BEGAIN: variants seen among roughly 807,000 people sequenced by gnomAD.
BEGAIN encodes the protein brain-enriched guanylate kinase-associated protein.
Under a neutral mutation model 35.8 loss-of-function variants are expected in BEGAIN, and 19 were observed. The ratio of observed to expected loss-of-function variants is 0.53; its 90% confidence interval spans 0.37 to 0.78. BEGAIN has a LOEUF of 0.78. Ranked by LOEUF, BEGAIN falls within the 30% of genes least tolerant of loss-of-function variation. The pLI, the probability that BEGAIN is intolerant of heterozygous loss-of-function variation, is 0.00. For missense variants in BEGAIN, 795 were observed against 853.6 expected, an observed-to-expected ratio of 0.93 and a Z score of 0.85; for synonymous variants, 462 against 388.6, an observed-to-expected ratio of 1.19 and a Z score of -2.22.
intron 5 of BEGAIN, among the ~76,000 whole-genome samples, chr14:100,543,580 C>A (rs1233446465): frequency 6.6e-6 from 1 of 152,210 alleles, no homozygotes; most frequent in Non-Finnish European, 1.5e-5. Context: ...GGCCCCGCAT[C>A]CCCTAGCTCA....
At chr14:100,570,485 G>A (rs2035044284) in intron 1 of BEGAIN, among the ~76,000 whole-genome samples, 6 of 152,140 alleles carry the variant, frequency 3.9e-5, no homozygotes, top group Admixed American at 3.3e-4. Flanking sequence ...CTTGGAGGCT[G>A]TATCCTCCAT....
intron 2 of BEGAIN, 97 bp from the exon 3 acceptor site, chr14:100,546,759 T>C (rs2032526834): frequency 2.6e-6 from 3 of 1,175,248 alleles, no homozygotes; most frequent in Non-Finnish European, 3.3e-6. Context: ...AACACGCGAG[T>C]ACCGGCGCGC....
chr14:100,560,001 T>G (rs2034097393), intron 2 of BEGAIN, among the ~76,000 whole-genome samples: 1 of 152,108 alleles, frequency 6.6e-6, no homozygotes, highest in Non-Finnish European at 1.5e-5. Context: ...CCTTTAGTGG[T>G]GTCTAGGATC....
chr14:100,561,503 C>A (rs1460936846), intron 2 of BEGAIN, among the ~76,000 whole-genome samples: 1 of 152,160 alleles, frequency 6.6e-6, no homozygotes, highest in Non-Finnish European at 1.5e-5. Flanking sequence ...AATCCCAGCA[C>A]TTTGGGAGGC....
chr14:100,561,290 A>T (rs1467680151), intron 2 of BEGAIN, among the ~76,000 whole-genome samples: 2 of 152,218 alleles, frequency 1.3e-5, no homozygotes, highest in African/African-American at 4.8e-5. Flanking sequence ...GCAAGGCCCA[A>T]GCAGGGCAGA....
In BEGAIN at chr14:100,578,091, C is replaced by T. The variant is rs558853038; in HGVS notation, c.42+9158G>A. ...AGGCCAGGGCTGCCTGCCAGATGCC[C>T]GCCTGCCCATTGATCCAGTGGCAGG... On this transcript the variant is annotated intron_variant, in intron 1 of 6. Coordinates refer to ENST00000554140, the MANE Select transcript of BEGAIN (RefSeq NM_001385089.1). 15 of 397,802 alleles carry T rather than the reference C, an allele frequency of 3.8e-5. No individual in the cohort carries two copies. The South Asian group carries it at 7.1e-4, about 19-fold the overall frequency. 24.6% of individuals were successfully genotyped at this position (397,802 alleles called of 1,614,324 possible). A position where few individuals can be genotyped will look rare whatever the true frequency, so the allele number is the denominator to read the frequency against.
Position 100,538,053 on chromosome 14 carries a change from C to G in BEGAIN, c.1755G>C (p.Gln585His), listed in dbSNP as rs769447009. The change falls in exon 7 of 7, where the codon CAG becomes CAC. Residue 585 changes from glutamine to histidine, a missense_variant. Transcript: ENST00000554140. Reference protein sequence around the residue: ...MHPAARLSPQQAFPRTGGSGL... With the variant: ...MHPAARLSPQHAFPRTGGSGL... ...CCGAGCCACCAGTCCGCGGAAAGGCCTGCTGGGGGCTGAGGCGGGCGGCAG... is the reference window on the plus strand; with the variant it reads ...CCGAGCCACCAGTCCGCGGAAAGGCGTGCTGGGGGCTGAGGCGGGCGGCAG... The G allele has an allele frequency of 6.2e-7, 1 of 1,604,700 alleles. No homozygotes were observed. Among genetic ancestry groups the G allele is most frequent in the South Asian group, 1.1e-5 (1 of 89,934 alleles).
intron 2 of BEGAIN, among the ~76,000 whole-genome samples, chr14:100,556,155 C>T (rs2033701544): frequency 6.6e-6 from 1 of 152,134 alleles, no homozygotes; most frequent in Non-Finnish European, 1.5e-5. Flanking sequence ...TCAAGGCCTC[C>T]CGTCTTGCTC....
chr14:100,546,647 C>T lies in BEGAIN; in HGVS notation c.87G>A (p.Gln29=). The T allele has an allele frequency of 6.4e-7, 1 of 1,572,180 alleles. No individual in the cohort carries two copies. The highest frequency in any genetic ancestry group is 8.6e-7 in the Non-Finnish European group (1 of 1,164,494). ...DMEKLSALQE[Q]KGELRKRLSY... ...ACAGCCGCTTGCGCAGCTCGCCCTT[C>T]TGCTCCTGCAGCGCGCTGCAACGAC... is the stretch of plus-strand genomic sequence containing the variant. The change falls in exon 3 of 7, where the codon CAG becomes CAA. Residue 29 remains glutamine, a synonymous_variant. Transcript: ENST00000554140.
Position 100,538,767 on chromosome 14 carries a change from G to T in BEGAIN, c.1041C>A (p.Asn347Lys). ...TGCGGTCGAAGAGCTCGTCGCGGCT[G>T]TTCAGGTAGATGGCCTGCTGCGACG... ...LTASQQAIYL[N>K]SRDELFDRKP... The change falls in exon 7 of 7, where the codon AAC becomes AAA. Residue 347 changes from asparagine (N) to lysine (K), a missense_variant. Asn to Lys is a moderately conservative substitution (Grantham distance 94). This residue lies in a region of BEGAIN where 664 missense variants were observed against 647.7 expected (regional missense o/e 1.03). Coordinates refer to ENST00000554140, the MANE Select transcript of BEGAIN (RefSeq NM_001385089.1). 1 of 1,587,602 alleles carries T rather than the reference G, an allele frequency of 6.3e-7. No homozygotes were observed. Among genetic ancestry groups the T allele is most frequent in the Non-Finnish European group, 8.6e-7 (1 of 1,168,466 alleles).
At chr14:100,557,183 C>A (rs2033825328) in intron 2 of BEGAIN, among the ~76,000 whole-genome samples, 1 of 151,800 alleles carries the variant, frequency 6.6e-6, no homozygotes, top group Admixed American at 6.5e-5. Flanking sequence ...GGCCCCCAAT[C>A]CCAGCGCGGG....
Position 100,567,817 on chromosome 14 carries a change from G to T in BEGAIN, c.71+94C>A. The T allele has an allele frequency of 7.6e-7, 1 of 1,307,696 alleles. No homozygotes were observed. Among genetic ancestry groups the T allele is most frequent in the African/African-American group, 1.6e-5 (1 of 63,148 alleles). The allele number at this position is 1,307,696 out of a possible 1,614,324, so 81.0% of individuals were successfully genotyped here. The stretch of plus-strand genomic sequence containing the variant: ...AGGCCGCCCGCGGGCCCTGGGGGAT[G>T]CGCTCGGGTGGAGCCCCCTTCCCCC... On this transcript the variant is annotated intron_variant, in intron 2 of 6. Transcript: ENST00000554140. This position sits in a 1 kb window ranked among gnomAD's most constrained non-coding sequence, Gnocchi z 5.1.
intron 2 of BEGAIN, among the ~76,000 whole-genome samples, chr14:100,557,824 C>T (rs2033892477): frequency 6.6e-6 from 1 of 152,160 alleles, no homozygotes; most frequent in African/African-American, 2.4e-5. Context: ...ACACCTCCTC[C>T]CCATCCCCAC....
chr14:100,570,801 G>A (rs1209390916), intron 1 of BEGAIN, among the ~76,000 whole-genome samples: 3 of 152,138 alleles, frequency 2.0e-5, no homozygotes, highest in African/African-American at 7.2e-5. Context: ...GCCATTCATT[G>A]ACCACAAGAC....
intron 1 of BEGAIN, among the ~76,000 whole-genome samples, chr14:100,574,036 C>T (rs867559222): frequency 2.6e-5 from 4 of 152,118 alleles, no homozygotes; most frequent in South Asian, 2.1e-4. Flanking sequence ...CGGTGTCATG[C>T]GCTGACCCAC....
In BEGAIN at chr14:100,568,843, C is replaced by G. The variant is rs1332485149; in HGVS notation, c.43-904G>C. 3 of 985,906 alleles carry G rather than the reference C, an allele frequency of 3.0e-6. No individual in the cohort carries two copies. The highest frequency in any genetic ancestry group is 1.7e-5 in the African/African-American group (1 of 57,164). The allele number at this position is 985,906 out of a possible 1,614,324, so 61.1% of individuals were successfully genotyped here. ...CCGGGGCTTTGCCCGTCTTTCTGTGCCGTGACTGGCACTCAAGGGGGACAG... is the reference window on the plus strand; with the variant it reads ...CCGGGGCTTTGCCCGTCTTTCTGTGGCGTGACTGGCACTCAAGGGGGACAG... On this transcript the variant is annotated intron_variant, in intron 1 of 6. Coordinates refer to ENST00000554140, the MANE Select transcript of BEGAIN (RefSeq NM_001385089.1). The surrounding 1 kb of genome is among the most constrained non-coding windows in gnomAD (Gnocchi z 7.5).
Position 100,538,555 on chromosome 14 carries a change from C to T in BEGAIN, c.1253G>A (p.Ser418Asn). The change falls in exon 7 of 7, where the codon AGC becomes AAC. Residue 418 changes from serine (S) to asparagine (N), a missense_variant. Around this residue, in one of 3 missense-constraint regions of BEGAIN, gnomAD observed 664 missense variants for 647.7 expected, o/e 1.03. Transcript: ENST00000554140. ...GGCGGTCCCCGGCTTGGCCCGCAGG[C>T]TCCACAGGTTTGGGGGCATCAGGGC... ...QQALMPPNLW[S>N]LRAKPGTARL... is the part of the protein sequence containing the mutation. 2 of 1,528,396 alleles carry T rather than the reference C, an allele frequency of 1.3e-6. No homozygotes were observed. The highest frequency in any genetic ancestry group is 1.4e-5 in the African/African-American group (1 of 73,040). The allele number at this position is 1,528,396 out of a possible 1,614,324, so 94.7% of individuals were successfully genotyped here. A position where few individuals can be genotyped will look rare whatever the true frequency, so the allele number is the denominator to read the frequency against.
chr14:100,566,661 C>T (rs2034710944), intron 2 of BEGAIN, among the ~76,000 whole-genome samples: 4 of 152,172 alleles, frequency 2.6e-5, no homozygotes, highest in African/African-American at 7.2e-5. Flanking sequence ...TGGGCCTCAC[C>T]GCCCCCACCT....
chr14:100,553,124 C>G (rs184459846), intron 2 of BEGAIN, among the ~76,000 whole-genome samples: 2 of 152,252 alleles, frequency 1.3e-5, no homozygotes, highest in Non-Finnish European at 2.9e-5. Flanking sequence ...TTTTCCTCCC[C>G]CAGGGAAGGG....
Sources: allele counts gnomAD v4.1 joint callset (sites outside exome capture counted in the v4.1 genomes callset), GRCh38; gene constraint gnomAD v4.1.1; regional missense constraint gnomAD v4.1.1; non-coding constraint Gnocchi (gnomAD v3.1); transcripts MANE v1.5; gene names NCBI Gene and HGNC (gene_info 2026-07-23, HGNC 2026-07-21).